ZNF385D: variants seen among roughly 807,000 people sequenced by gnomAD.
The protein encoded by ZNF385D is zinc finger protein 659.
A neutral mutation model predicts 35.8 loss-of-function variants in ZNF385D; 15 were observed. The observed-to-expected ratio is 0.42, with a 90% CI of 0.28 to 0.64. ZNF385D has a LOEUF of 0.64. ZNF385D is among the 30% of genes least tolerant of loss of function. ZNF385D has a pLI of 0.23. For missense variants in ZNF385D, 474 were observed against 494.6 expected (o/e 0.96, Z 0.39); for synonymous variants, 212 against 186.8 (o/e 1.13, Z -1.10).
chr3:21,816,178 C>G (rs1397468130), intron 3 of ZNF385D, among the ~76,000 whole-genome samples: 9 of 152,126 alleles, frequency 5.9e-5, no homozygotes, highest in Admixed American at 2.0e-4. Context: ...TGGGACGTAT[C>G]TCAAAATAAT....
chr3:22,062,242 G>A (rs1397359107), intron 3 of ZNF385D, among the ~76,000 whole-genome samples: 1 of 151,860 alleles, frequency 6.6e-6, no homozygotes, highest in Non-Finnish European at 1.5e-5. Context: ...ATTTTGTAGA[G>A]ACAGGATTTT....
intron 2 of ZNF385D, among the ~76,000 whole-genome samples, chr3:22,367,753 A>G (rs1696720546): frequency 6.6e-6 from 1 of 152,182 alleles, no homozygotes; most frequent in Non-Finnish European, 1.5e-5. Context: ...AGTCTCTAAT[A>G]ATCTCTTCTA....
intron 3 of ZNF385D, among the ~76,000 whole-genome samples, chr3:22,026,756 CA>C (rs1305171880): frequency 1.3e-5 from 2 of 152,136 alleles, no homozygotes; most frequent in Admixed American, 6.5e-5. Context: ...AATAGTAAAT[CA>C]AAAACAATAT....
chr3:21,803,776 T>C (rs765384179), intron 3 of ZNF385D, among the ~76,000 whole-genome samples: 4 of 152,190 alleles, frequency 2.6e-5, no homozygotes, highest in African/African-American at 7.2e-5. Flanking sequence ...TATCTCCATA[T>C]GAGATATAAT....
At chr3:21,772,458 G>T (rs1017624444) in intron 3 of ZNF385D, among the ~76,000 whole-genome samples, 2 of 151,756 alleles carry the variant, frequency 1.3e-5, no homozygotes, top group Non-Finnish European at 2.9e-5. Flanking sequence ...ATATGCAAAT[G>T]GTGAATAAGC....
intron 4 of ZNF385D, among the ~76,000 whole-genome samples, chr3:21,470,691 C>A (rs1196036012): frequency 6.6e-6 from 1 of 152,006 alleles, no homozygotes; most frequent in Non-Finnish European, 1.5e-5. Flanking sequence ...CTAATTGAGC[C>A]AGATCCACAG....
At chr3:22,076,247 C>G (rs1331235359) in intron 3 of ZNF385D, among the ~76,000 whole-genome samples, 1 of 151,876 alleles carries the variant, frequency 6.6e-6, no homozygotes, top group African/African-American at 2.4e-5. Flanking sequence ...AATAAAGATA[C>G]ATTCTTTATC....
At chr3:22,271,176 T>C (rs531211975) in intron 2 of ZNF385D, among the ~76,000 whole-genome samples, 1 of 152,004 alleles carries the variant, frequency 6.6e-6, no homozygotes, top group Admixed American at 6.6e-5. Flanking sequence ...GAAAATTATA[T>C]CATAATACAT....
chr3:22,326,716 AC>A (rs1216897264), intron 2 of ZNF385D, among the ~76,000 whole-genome samples: 1 of 152,192 alleles, frequency 6.6e-6, no homozygotes, highest in Non-Finnish European at 1.5e-5. Context: ...CATTTTAGTG[AC>A]AAAGTCTACC....
intron 3 of ZNF385D, among the ~76,000 whole-genome samples, chr3:21,515,091 G>A (rs1707472923): frequency 6.6e-6 from 1 of 152,218 alleles, no homozygotes; most frequent in African/African-American, 2.4e-5. Context: ...ATTTCAGAAT[G>A]GTTTTTAGTT....
intron 1 of ZNF385D, among the ~76,000 whole-genome samples, chr3:21,702,752 T>G (rs1485376688): frequency 6.6e-5 from 10 of 152,186 alleles, no homozygotes; most frequent in Admixed American, 6.6e-4. Context: ...TCTCTCACGT[T>G]CAAAGTTCCA....
chr3:22,073,391 G>A (rs928219625), intron 3 of ZNF385D, among the ~76,000 whole-genome samples: 1 of 151,256 alleles, frequency 6.6e-6, no homozygotes, highest in South Asian at 2.1e-4. Context: ...GGGTGAGAGG[G>A]TAAAATGTCA....
intron 3 of ZNF385D, among the ~76,000 whole-genome samples, chr3:21,984,301 C>T (rs374565821): frequency 6.9e-6 from 1 of 144,116 alleles, no homozygotes; most frequent in Non-Finnish European, 1.5e-5. Context: ...GGTTTTAGGT[C>T]TAACGTTTAA....
rs541784960 is a variant in ZNF385D, at chr3:21,974,738, T to C, written c.325+194079A>G. Among the ~76,000 whole-genome samples, 308 of 151,810 alleles carry C rather than the reference T, an allele frequency of 2.0e-3. 1 individual carries two copies. The highest frequency in any genetic ancestry group is 7.0e-3 in the African/African-American group (290 of 41,458). On this transcript the variant is annotated intron_variant, in intron 3 of 5. Transcript: ENST00000494108. Reference sequence around the variant, plus strand: ...ACAACTCAATAAGAAAAAAAACCAATCCAATTTAAAATGGCAAAAGATCTA... The same window carrying C: ...ACAACTCAATAAGAAAAAAAACCAACCCAATTTAAAATGGCAAAAGATCTA...
chr3:22,035,048 T>C (rs1450616669), intron 3 of ZNF385D, among the ~76,000 whole-genome samples: 6 of 152,222 alleles, frequency 3.9e-5, no homozygotes, highest in Non-Finnish European at 8.8e-5. Flanking sequence ...TGTCGATTTA[T>C]ATACTGTTGT....
chr3:21,812,607 C>G (rs2072973632), intron 3 of ZNF385D, among the ~76,000 whole-genome samples: 1 of 152,222 alleles, frequency 6.6e-6, no homozygotes, highest in Non-Finnish European at 1.5e-5. Flanking sequence ...GCTAGCACAG[C>G]AGTCCGAGAT....
rs1159106848 is a variant in ZNF385D, at chr3:21,988,739, T to C, written c.325+180078A>G. Among the ~76,000 whole-genome samples, 3 of 151,980 alleles carry C rather than the reference T, an allele frequency of 2.0e-5. No homozygotes were observed. The East Asian group carries it at 5.9e-4, about 30-fold the overall frequency. ...GCTGCTTTGTTTACCTAAGCAAGCC[T>C]GGGCAATGGCGGGCGCCCCTCCCCC... On this transcript the variant is annotated intron_variant, in intron 3 of 5. Coordinates refer to the ZNF385D transcript ENST00000494108.
At chr3:22,365,620 A>G (rs967736647) in intron 2 of ZNF385D, among the ~76,000 whole-genome samples, 4 of 152,124 alleles carry the variant, frequency 2.6e-5, no homozygotes, top group African/African-American at 9.7e-5. Context: ...CCACCAAAAT[A>G]AAGCAATTAA....
chr3:21,470,756 T>A (rs1169238677), intron 4 of ZNF385D, among the ~76,000 whole-genome samples: 1 of 152,102 alleles, frequency 6.6e-6, no homozygotes, highest in Non-Finnish European at 1.5e-5. Context: ...AGGCAAAATA[T>A]ACATATATTT....
Sources: gnomAD v4.1 joint callset for allele counts (sites outside exome capture counted in the v4.1 genomes callset) on GRCh38, gnomAD v4.1.1 for gene constraint, MANE v1.5 for transcripts, NCBI Gene and HGNC (gene_info 2026-07-23, HGNC 2026-07-21) for gene names.